Variants in NRL observed in about 807,000 individuals in gnomAD.
NRL encodes the protein neural retina-specific leucine zipper protein.
NRL carries 16 observed loss-of-function variants against 12.5 expected under a neutral mutation model. That is an observed-to-expected ratio of 1.28 (90% CI 0.87 to 1.95). NRL has a LOEUF of 1.95. NRL is among the 30% of genes most tolerant of loss of function. NRL has a pLI of 0.00. For missense variants in NRL, 314 were observed against 325.8 expected, an observed-to-expected ratio of 0.96 and a Z score of 0.28; for synonymous variants, 142 against 150.9, an observed-to-expected ratio of 0.94 and a Z score of 0.43.
chr14:24,111,531 ACTCGG>A (rs1436857752), intron 1 of NRL, among the ~76,000 whole-genome samples: 1 of 138,212 alleles, frequency 7.2e-6, no homozygotes, highest in African/African-American at 2.9e-5. Context: ...ATGCCACCAC[ACTCGG>A]CTTTTTTTTT....
chr14:24,098,334 C>A, intron 1 of NRL: 1 of 1,613,882 alleles, frequency 6.2e-7, no homozygotes, highest in Non-Finnish European at 8.5e-7. Flanking sequence ...AACTGGATGT[C>A]CCCAGCTGAT....
At chr14:24,099,518 T>A in intron 1 of NRL, 1 of 1,541,534 alleles carries the variant, frequency 6.5e-7, no homozygotes. Flanking sequence ...CCCTGACTTT[T>A]GGTGACCTCT....
intron 1 of NRL, among the ~76,000 whole-genome samples, chr14:24,108,349 T>A (rs559459504): frequency 6.6e-6 from 1 of 152,130 alleles, no homozygotes; most frequent in South Asian, 2.1e-4. Flanking sequence ...GGCTAAAGGG[T>A]TTTCTGGAAA....
intron 1 of NRL, chr14:24,098,714 G>A (rs1444853479): frequency 6.4e-7 from 1 of 1,567,898 alleles, no homozygotes; most frequent in South Asian, 1.1e-5. Context: ...GAACACAGAG[G>A]CCTTCTTGTA....
At chr14:24,111,021 C>T (rs970556044) in intron 1 of NRL, among the ~76,000 whole-genome samples, 1 of 152,214 alleles carries the variant, frequency 6.6e-6, no homozygotes, top group Non-Finnish European at 1.5e-5. Context: ...TTAGCTCTAT[C>T]CCCAGGCTGG....
intron 1 of NRL, chr14:24,099,526 T>A: frequency 6.5e-7 from 1 of 1,548,408 alleles, no homozygotes; most frequent in Non-Finnish European, 8.7e-7. Context: ...TTTGGTGACC[T>A]CTTTCTTATT....
In NRL at chr14:24,096,228, C is replaced by CTTT. The variant is rs34592767; in HGVS notation, c.-27-13356_-27-13354dup. Reference sequence around the variant, plus strand: ...TTGGGCCAAAGGCCCCTACTCATTTCTTTTTTTTTTTTTTTTTTTTTTTTT... The same window carrying CTTT: ...TTGGGCCAAAGGCCCCTACTCATTTCTTTTTTTTTTTTTTTTTTTTTTTTTTTT... On this transcript the variant is annotated intron_variant, in intron 1 of 2. Transcript: ENST00000561028. Among the ~76,000 whole-genome samples the CTTT allele has an allele frequency of 3.1e-4, 18 of 58,882 alleles. 1 individual carries two copies. Among genetic ancestry groups the CTTT allele is most frequent in the Non-Finnish European group, 4.0e-4 (14 of 34,864 alleles). 38.6% of individuals were successfully genotyped at this position (58,882 alleles called of 152,430 possible). A position where few individuals can be genotyped will look rare whatever the true frequency, so the allele number is the denominator to read the frequency against.
chr14:24,081,946 T>G lies in NRL; in HGVS notation c.382-378A>C. 1 of 1,240,148 alleles carries G rather than the reference T, an allele frequency of 8.1e-7. No individual in the cohort carries two copies. Among genetic ancestry groups the G allele is most frequent in the Non-Finnish European group, 1.0e-6 (1 of 979,754 alleles). The allele number at this position is 1,240,148 out of a possible 1,614,324, so 76.8% of individuals were successfully genotyped here. A position where few individuals can be genotyped will look rare whatever the true frequency, so the allele number is the denominator to read the frequency against. ...AACCCTCCAACGCGCTGCGTTTCCC[T>G]GTCCTGAAGCCTGCAACCCGGTGAC... On this transcript the variant is annotated intron_variant, in intron 2 of 2. Transcript: ENST00000561028. The surrounding 1 kb of genome is among the most constrained non-coding windows in gnomAD (Gnocchi z 4.4).
chr14:24,095,439 G>A (rs980140186), intron 1 of NRL: 4 of 348,262 alleles, frequency 1.1e-5, no homozygotes, highest in Non-Finnish European at 2.3e-5. Context: ...CTGCTTTAGC[G>A]GAAACCACCC....
rs1452286219 is a variant in NRL, at chr14:24,094,362, C to G, written c.-27-11487G>C. The G allele has an allele frequency of 2.0e-6, 3 of 1,523,200 alleles. No homozygotes were observed. The South Asian group carries it at 3.6e-5, about 18-fold the overall frequency. 94.4% of individuals were successfully genotyped at this position (1,523,200 alleles called of 1,614,324 possible). A position where few individuals can be genotyped will look rare whatever the true frequency, so the allele number is the denominator to read the frequency against. On this transcript the variant is annotated intron_variant, in intron 1 of 2. Transcript: ENST00000561028. The surrounding 1 kb of genome is among the most constrained non-coding windows in gnomAD (Gnocchi z 4.1). ...TTCCCCGCCTTCCATACCTCCCCGG[C>G]TCCGCTCGGTTCCTGGCCACCCCGC...
chr14:24,083,976 C>G (rs562203446), intron 1 of NRL, among the ~76,000 whole-genome samples: 1 of 152,280 alleles, frequency 6.6e-6, no homozygotes, highest in Admixed American at 6.5e-5. Context: ...CCTTGAAGTC[C>G]AAGCTCTAGT....
At chr14:24,107,808 G>A (rs2037361540) in intron 1 of NRL, among the ~76,000 whole-genome samples, 1 of 152,128 alleles carries the variant, frequency 6.6e-6, no homozygotes, top group African/African-American at 2.4e-5. Context: ...TTATAAAATG[G>A]ACACTTCTAT....
At chr14:24,099,685 G>A (rs547509983) in intron 1 of NRL, 1 of 1,614,140 alleles carries the variant, frequency 6.2e-7, no homozygotes, top group East Asian at 2.2e-5. Flanking sequence ...GAGTGTGTGG[G>A]GGATGATATT....
intron 1 of NRL, among the ~76,000 whole-genome samples, chr14:24,111,535 G>A (rs1003312738): frequency 5.5e-5 from 8 of 146,038 alleles, no homozygotes; most frequent in East Asian, 2.0e-4. Context: ...CACCACACTC[G>A]GCTTTTTTTT....
At position 24,096,799 on chromosome 14, in the gene NRL, G is replaced by A; in HGVS notation, c.-27-13924C>T. On this transcript the variant is annotated intron_variant, in intron 1 of 2. Coordinates refer to ENST00000561028, the MANE Select transcript of NRL (RefSeq NM_001354768.3). Reference sequence around the variant, plus strand: ...GGTCCCTGCATGCAGACATGTTTTAGCAGGCTGCAGCCCAAGCTTTCTGTC... The same window carrying A: ...GGTCCCTGCATGCAGACATGTTTTAACAGGCTGCAGCCCAAGCTTTCTGTC... The A allele has an allele frequency of 6.3e-6, 7 of 1,108,426 alleles. No individual in the cohort carries two copies. In the South Asian group the frequency reaches 8.3e-5, roughly 13 times the overall value. 68.7% of individuals were successfully genotyped at this position (1,108,426 alleles called of 1,614,324 possible).
At chr14:24,097,018 C>T in intron 1 of NRL, 1 of 1,613,376 alleles carries the variant, frequency 6.2e-7, no homozygotes, top group Non-Finnish European at 8.5e-7. Context: ...AGCACAGTGC[C>T]CGCCTGTGCC....
chr14:24,104,042 A>G, intron 1 of NRL: 1 of 958,936 alleles, frequency 1.0e-6, no homozygotes, highest in Admixed American at 2.0e-5. Context: ...AAATATGAGC[A>G]ATTTGATATT....
In NRL at chr14:24,103,797, G is replaced by A. The variant is rs61737098; in HGVS notation, c.-28+10925C>T. On this transcript the variant is annotated intron_variant, in intron 1 of 2. Coordinates refer to ENST00000561028, the MANE Select transcript of NRL (RefSeq NM_001354768.3). ...AAAGGAAGGAGCCTTGGATCTCAGC[G>A]GCCTCAGAGCTATAGACACCACTCA... 2.7e-3 allele frequency: 4,379 copies of A among 1,614,116 alleles called. 14 individuals carry two copies. Among genetic ancestry groups the A allele is most frequent in the Middle Eastern group, 5.6e-3 (34 of 6,062 alleles).
Position 24,081,698 on chromosome 14 carries a change from C to T in NRL, c.382-130G>A, listed in dbSNP as rs886587032. 3.3e-6 allele frequency: 5 copies of T among 1,526,082 alleles called. No homozygotes were observed. In the African/African-American group the frequency reaches 4.1e-5, roughly 13 times the overall value. The allele number at this position is 1,526,082 out of a possible 1,614,324, so 94.5% of individuals were successfully genotyped here. A position where few individuals can be genotyped will look rare whatever the true frequency, so the allele number is the denominator to read the frequency against. ...CTCCCACCTTCACCGGAAGGCTCGC[C>T]CTTCCACGCAGTCTGTTTCGGTCCA... On this transcript the variant is annotated intron_variant, in intron 2 of 2. Transcript: ENST00000561028. The surrounding 1 kb of genome is among the most constrained non-coding windows in gnomAD (Gnocchi z 4.4).
Sources: gnomAD v4.1 joint callset for allele counts (sites outside exome capture counted in the v4.1 genomes callset) on GRCh38, gnomAD v4.1.1 for gene constraint, Gnocchi (gnomAD v3.1) non-coding constraint, MANE v1.5 for transcripts, NCBI Gene and HGNC (gene_info 2026-07-23, HGNC 2026-07-21) for gene names.